Variants in NF2 observed in about 807,000 individuals in gnomAD.
The protein encoded by NF2 is merlin.
NF2 carries 8 observed loss-of-function variants against 83.7 expected under a neutral mutation model. The ratio of observed to expected loss-of-function variants is 0.10; its 90% CI spans 0.06 to 0.17. NF2 has a LOEUF of 0.17. Among genes scored for constraint, NF2 ranks in the 10% least tolerant of loss-of-function variants. The probability of loss-of-function intolerance (pLI) is 1.00; values close to 1 mark genes in which losing one functional copy is unlikely to be tolerated. For missense variants in NF2, 533 were observed against 744.4 expected, an observed-to-expected ratio of 0.72 and a Z score of 3.31; for synonymous variants, 266 against 269.6, an observed-to-expected ratio of 0.99 and a Z score of 0.13.
chr22:29,689,160 G>T (rs1348398754), intron 15 of NF2, among the ~76,000 whole-genome samples: 1 of 125,856 alleles, frequency 7.9e-6, no homozygotes, highest in Admixed American at 9.0e-5. Flanking sequence ...GCCTGGCAAC[G>T]GAGTGAGACT....
chr22:29,661,836 C>T (rs1233338202), intron 8 of NF2, among the ~76,000 whole-genome samples: 1 of 152,074 alleles, frequency 6.6e-6, no homozygotes, highest in African/African-American at 2.4e-5. Context: ...GTGTCCGGTG[C>T]TTGATACATG....
At chr22:29,647,946 T>C (rs1317026931) in intron 4 of NF2, among the ~76,000 whole-genome samples, 1 of 151,346 alleles carries the variant, frequency 6.6e-6, no homozygotes, top group Non-Finnish European at 1.5e-5. Context: ...GGTAGGTGCC[T>C]ACGAAAATAA....
chr22:29,635,985 C>T (rs2065637932), intron 1 of NF2, among the ~76,000 whole-genome samples: 1 of 152,192 alleles, frequency 6.6e-6, no homozygotes. Flanking sequence ...TCCCTTAAGA[C>T]ATTGAACTTG....
intron 1 of NF2, among the ~76,000 whole-genome samples, chr22:29,635,097 T>C (rs1436453925): frequency 6.6e-6 from 1 of 152,152 alleles, no homozygotes; most frequent in African/African-American, 2.4e-5. Context: ...GTCCTGATAT[T>C]CTTCCATCTA....
intron 4 of NF2, among the ~76,000 whole-genome samples, chr22:29,649,911 A>G (rs1444526103): frequency 6.6e-6 from 1 of 152,168 alleles, no homozygotes; most frequent in Non-Finnish European, 1.5e-5. Flanking sequence ...CAAAGGATAA[A>G]TGCTTGAGGG....
chr22:29,650,677 C>T (rs1051568518), intron 4 of NF2, among the ~76,000 whole-genome samples: 1 of 141,298 alleles, frequency 7.1e-6, no homozygotes, highest in East Asian at 2.3e-4. Context: ...TCTTTTCTTT[C>T]TTCCTTTCTT....
At chr22:29,677,694 C>T (rs540700202) in intron 13 of NF2, among the ~76,000 whole-genome samples, 15 of 152,310 alleles carry the variant, frequency 9.8e-5, no homozygotes, top group Admixed American at 4.6e-4. Flanking sequence ...ACTTCCCGTC[C>T]GGCAGACCTT....
At position 29,603,649 on chromosome 22, in the gene NF2, G is replaced by A; in HGVS notation, c.-350G>A. ...CGCGGCCCCGTGACCCTAGTCGGCC[G>A]CTGAGAGGCGCGCGGAGTCTGGGCC... On this transcript the variant is annotated 5_prime_UTR_variant, in exon 1 of 16. Transcript: ENST00000338641. The A allele has an allele frequency of 4.9e-6, 2 of 408,304 alleles. No homozygotes were observed. Among genetic ancestry groups the A allele is most frequent in the Non-Finnish European group, 4.3e-6 (1 of 232,166 alleles). 25.3% of individuals were successfully genotyped at this position (408,304 alleles called of 1,614,324 possible).
chr22:29,643,387 A>T (rs998388788), intron 4 of NF2, among the ~76,000 whole-genome samples: 1 of 151,856 alleles, frequency 6.6e-6, no homozygotes, highest in Non-Finnish European at 1.5e-5. Flanking sequence ...AGGTCAGCAG[A>T]TAAACAAGTG....
At chr22:29,631,170 T>A (rs2065500663) in intron 1 of NF2, among the ~76,000 whole-genome samples, 2 of 152,218 alleles carry the variant, frequency 1.3e-5, no homozygotes, top group Non-Finnish European at 2.9e-5. Flanking sequence ...AGGATAATTA[T>A]GCTGTTTGTC....
At chr22:29,642,413 G>A (rs2065836319) in intron 4 of NF2, 128 bp downstream of exon 4, 1 of 744,830 alleles carries the variant, frequency 1.3e-6, no homozygotes, top group Non-Finnish European at 2.3e-6. Context: ...AGATGTTATG[G>A]GACTTGTGGA....
rs181171324 is a variant in NF2 at position 29,697,686 on chromosome 22, C to T, written c.*2884C>T. 1 of 173,902 alleles carries T rather than the reference C, an allele frequency of 5.8e-6. No homozygotes were observed. The highest frequency in any genetic ancestry group is 1.0e-4 in the East Asian group (1 of 9,828). 10.8% of individuals were successfully genotyped at this position (173,902 alleles called of 1,614,324 possible). A position where few individuals can be genotyped will look rare whatever the true frequency, so the allele number is the denominator to read the frequency against. On this transcript the variant is annotated 3_prime_UTR_variant, in exon 16 of 16. Transcript: ENST00000338641. ...GATTCAAGCAATTCTCCTGCCTCAG[C>T]CTCCCGAGTAGCTGGGATTACAGGC...
At chr22:29,666,985 A>G (rs2066642834) in intron 9 of NF2, among the ~76,000 whole-genome samples, 1 of 152,212 alleles carries the variant, frequency 6.6e-6, no homozygotes, top group South Asian at 2.1e-4. Context: ...TCCAAAAAAA[A>G]AATAAATACA....
chr22:29,609,402 G>A, intron 1 of NF2: 1 of 544,054 alleles, frequency 1.8e-6, no homozygotes. Flanking sequence ...ACATGATTGT[G>A]TCTGGCAGTG....
At chr22:29,635,410 C>G (rs1424023642) in intron 1 of NF2, among the ~76,000 whole-genome samples, 4 of 152,080 alleles carry the variant, frequency 2.6e-5, no homozygotes. Flanking sequence ...CTCACTGCAA[C>G]CTCCGCCTCC....
chr22:29,650,516 GTTTC>G (rs565495633), intron 4 of NF2, among the ~76,000 whole-genome samples: 6 of 151,004 alleles, frequency 4.0e-5, no homozygotes, highest in Admixed American at 1.3e-4. Flanking sequence ...TTGTTTGTTT[GTTTC>G]TTTCTTTTTC....
chr22:29,691,182 G>A (rs767320896), intron 15 of NF2, among the ~76,000 whole-genome samples: 6 of 152,330 alleles, frequency 3.9e-5, no homozygotes, highest in African/African-American at 1.2e-4. Context: ...GGAATTCCCC[G>A]CCCTCCTGGG....
chr22:29,641,472 T>C (rs2065808921), intron 3 of NF2, among the ~76,000 whole-genome samples: 1 of 152,208 alleles, frequency 6.6e-6, no homozygotes, highest in Non-Finnish European at 1.5e-5. Flanking sequence ...CAAAATTTAC[T>C]GCTTTTATGA....
chr22:29,677,035 A>T (rs1284021689), intron 13 of NF2, among the ~76,000 whole-genome samples: 1 of 152,176 alleles, frequency 6.6e-6, no homozygotes, highest in Admixed American at 6.5e-5. Flanking sequence ...TCAGGCCTTG[A>T]GAATGTCTCA....
Sources: gnomAD v4.1 joint callset for allele counts (sites outside exome capture counted in the v4.1 genomes callset) on GRCh38, gnomAD v4.1.1 for gene constraint, MANE v1.5 for transcripts, NCBI Gene and HGNC (gene_info 2026-07-23, HGNC 2026-07-21) for gene names.